The following GUCY1A2 variants were observed in gnomAD, a reference collection of about 807,000 sequenced individuals.
The protein encoded by GUCY1A2 is guanylate cyclase soluble subunit alpha-2.
A neutral mutation model predicts 63.5 loss-of-function variants in GUCY1A2; 27 were observed. That is an observed-to-expected ratio of 0.43 (90% CI 0.31 to 0.59). The LOEUF (loss-of-function observed/expected upper bound fraction) is 0.59, where lower values mean the gene tolerates loss of function less well. Among genes scored for constraint, GUCY1A2 ranks in the 20% least tolerant of loss-of-function variants. The probability of loss-of-function intolerance (pLI) is 0.11; values close to 1 mark genes in which losing one functional copy is unlikely to be tolerated. For synonymous variants in GUCY1A2, 364 were observed against 343.5 expected (o/e 1.06, Z -0.66); for missense variants, 768 against 913.3 (o/e 0.84, Z 2.05).
chr11:106,925,932 G>C lies in GUCY1A2; in HGVS notation c.1206+13528C>G, dbSNP rs537767578. Among the ~76,000 whole-genome samples, 3 of 152,262 alleles carry C rather than the reference G, an allele frequency of 2.0e-5. No homozygotes were observed. The East Asian group carries it at 5.8e-4, about 29-fold the overall frequency. On this transcript the variant is annotated intron_variant, in intron 4 of 7. Coordinates refer to ENST00000526355, the MANE Select transcript of GUCY1A2 (RefSeq NM_000855.3). ...AAATAAACCATTCGTTCTGGTGATA[G>C]CAATCTCTGATTAGGGTAAGGGGTA...
chr11:106,832,022 T>C (rs371018967), intron 4 of GUCY1A2, among the ~76,000 whole-genome samples: 13 of 152,300 alleles, frequency 8.5e-5, no homozygotes, highest in African/African-American at 3.1e-4. Context: ...TTAGGTTCTA[T>C]GCCATAAATT....
intron 1 of GUCY1A2, among the ~76,000 whole-genome samples, chr11:107,016,821 C>G (rs1422857456): frequency 1.3e-5 from 2 of 148,994 alleles, no homozygotes; most frequent in African/African-American, 5.0e-5. Flanking sequence ...GTTTAAATAG[C>G]TAATGTGAGA....
chr11:106,762,285 A>G lies in GUCY1A2; in HGVS notation c.1836+14154T>C, dbSNP rs1201965105. On this transcript the variant is annotated intron_variant, in intron 6 of 7. Transcript: ENST00000526355. ...GGCAAAAAGTTGCAAATATAAAAGA[A>G]TACTTACTTGTGCAGCAAAGGATCA... 2.0e-5 allele frequency among the ~76,000 whole-genome samples: 3 copies of G among 152,136 alleles called. No individual in the cohort carries two copies. The South Asian group carries it at 6.2e-4, about 31-fold the overall frequency.
intron 6 of GUCY1A2, among the ~76,000 whole-genome samples, chr11:106,738,543 T>G (rs1863630657): frequency 6.6e-6 from 1 of 152,216 alleles, no homozygotes; most frequent in African/African-American, 2.4e-5. Context: ...TTTAAGTCTT[T>G]AATCCATCTT....
At chr11:106,978,527 ATC>A in intron 3 of GUCY1A2, 90 bp downstream of exon 3, 1 of 809,176 alleles carries the variant, frequency 1.2e-6, no homozygotes, top group Non-Finnish European at 1.9e-6. Flanking sequence ...TATTCTCCAC[ATC>A]TCTCTTTGGT....
chr11:106,773,028 A>G (rs1167179507), intron 6 of GUCY1A2, among the ~76,000 whole-genome samples: 1 of 152,190 alleles, frequency 6.6e-6, no homozygotes, highest in African/African-American at 2.4e-5. Flanking sequence ...CTCTCTTTCC[A>G]CTTATAAATG....
intron 6 of GUCY1A2, among the ~76,000 whole-genome samples, chr11:106,751,598 A>C (rs970020840): frequency 3.3e-5 from 5 of 152,178 alleles, no homozygotes. Context: ...ACGTGCAAAA[A>C]CATTTGCCAG....
In GUCY1A2 at chr11:106,895,936, C is replaced by A. The variant is rs1163986246; in HGVS notation, c.1206+43524G>T. Among the ~76,000 whole-genome samples, 3 of 151,492 alleles carry A rather than the reference C, an allele frequency of 2.0e-5. No homozygotes were observed. The East Asian group carries it at 5.8e-4, about 29-fold the overall frequency. ...TCAGGAGGCAGGAGAATCGCTTGAA[C>A]CTGGAAGGCGAAGGTTTCAGTGAGC... On this transcript the variant is annotated intron_variant, in intron 4 of 7. Coordinates refer to ENST00000526355, the MANE Select transcript of GUCY1A2 (RefSeq NM_000855.3).
intron 4 of GUCY1A2, among the ~76,000 whole-genome samples, chr11:106,889,448 C>G (rs1859945870): frequency 6.6e-6 from 1 of 152,142 alleles, no homozygotes; most frequent in African/African-American, 2.4e-5. Context: ...CTGCTTAAAT[C>G]CAACCCCTCA....
Position 106,908,883 on chromosome 11 carries a change from A to G in GUCY1A2, c.1206+30577T>C, listed in dbSNP as rs909366813. Among the ~76,000 whole-genome samples, 24 of 152,200 alleles carry G rather than the reference A, an allele frequency of 1.6e-4. No homozygotes were observed. In the South Asian group the frequency reaches 2.3e-3, roughly 14 times the overall value. ...GCTACCCTACAAAATAGGTCAATGA[A>G]ATATTTGGGATCATATGTTCCACAA... is the stretch of plus-strand genomic sequence containing the variant. On this transcript the variant is annotated intron_variant, in intron 4 of 7. Transcript: ENST00000526355.
At chr11:106,846,522 A>T (rs1859275759) in intron 4 of GUCY1A2, among the ~76,000 whole-genome samples, 1 of 151,670 alleles carries the variant, frequency 6.6e-6, no homozygotes. Flanking sequence ...ATACTAACTT[A>T]AAAAACGATT....
chr11:106,896,218 C>A (rs4592391), intron 4 of GUCY1A2, among the ~76,000 whole-genome samples: 138,919 of 151,956 alleles, frequency 0.91, 63,693 homozygotes, highest in East Asian at 1. Context: ...AGAAGAAAAA[C>A]ATCACATGAT....
chr11:106,831,696 CT>C (rs1859053213), intron 4 of GUCY1A2, among the ~76,000 whole-genome samples: 1 of 152,212 alleles, frequency 6.6e-6, no homozygotes, highest in African/African-American at 2.4e-5. Flanking sequence ...TCCACAGTCT[CT>C]CTCGCAGCAG....
chr11:106,733,531 T>C (rs1863538185), intron 6 of GUCY1A2, among the ~76,000 whole-genome samples: 1 of 152,190 alleles, frequency 6.6e-6, no homozygotes, highest in Non-Finnish European at 1.5e-5. Context: ...AGATCATATA[T>C]AAAGTAATTA....
At chr11:106,945,956 A>G (rs2119999109) in intron 3 of GUCY1A2, among the ~76,000 whole-genome samples, 1 of 152,258 alleles carries the variant, frequency 6.6e-6, no homozygotes, top group Non-Finnish European at 1.5e-5. Context: ...CAAGAGCGAA[A>G]CCCATCTCAA....
At chr11:106,914,546 A>ATTG (rs1469097442) in intron 4 of GUCY1A2, among the ~76,000 whole-genome samples, 1 of 152,030 alleles carries the variant, frequency 6.6e-6, no homozygotes, top group African/African-American at 2.4e-5. Flanking sequence ...GTAAGTACAA[A>ATTG]TACAACAAAT....
intron 7 of GUCY1A2, among the ~76,000 whole-genome samples, chr11:106,701,901 A>C (rs929592950): frequency 1.6e-4 from 25 of 152,190 alleles, no homozygotes; most frequent in Admixed American, 1.5e-3. Flanking sequence ...ATAAACATGT[A>C]CTATAATGTG....
chr11:106,854,127 C>T (rs916989179), intron 4 of GUCY1A2, among the ~76,000 whole-genome samples: 6 of 152,092 alleles, frequency 3.9e-5, no homozygotes, highest in Non-Finnish European at 8.8e-5. Flanking sequence ...TCCTCAAGCC[C>T]CAGGCAGCAT....
At chr11:106,924,092 A>G (rs1860486563) in intron 4 of GUCY1A2, among the ~76,000 whole-genome samples, 1 of 152,192 alleles carries the variant, frequency 6.6e-6, no homozygotes, top group South Asian at 2.1e-4. Context: ...ACTTATTTCA[A>G]TTTTCCAGAA....
Sources: allele counts gnomAD v4.1 joint callset (sites outside exome capture counted in the v4.1 genomes callset), GRCh38; gene constraint gnomAD v4.1.1; transcripts MANE v1.5; gene names NCBI Gene and HGNC (gene_info 2026-07-23, HGNC 2026-07-21).